The following SUDS3 variants were observed in gnomAD, a reference collection of about 807,000 sequenced individuals.
SUDS3 encodes sin3 histone deacetylase corepressor complex component SDS3.
SUDS3 carries 23 observed loss-of-function variants against 53.5 expected under a neutral mutation model. The ratio of observed to expected loss-of-function variants is 0.43; its 90% CI spans 0.31 to 0.61. The LOEUF (loss-of-function observed/expected upper bound fraction) is 0.61. SUDS3 is among the 20% of genes least tolerant of loss of function. The probability of loss-of-function intolerance (pLI) is 0.10; values close to 1 mark genes in which losing one functional copy is unlikely to be tolerated. For synonymous variants in SUDS3, 150 were observed against 148.5 expected (o/e 1.01, Z -0.08); for missense variants, 291 against 405.9 (o/e 0.72, Z 2.43).
At chr12:118,384,637 C>T (rs1365689287) in intron 3 of SUDS3, among the ~76,000 whole-genome samples, 3 of 152,256 alleles carry the variant, frequency 2.0e-5, no homozygotes, top group Non-Finnish European at 4.4e-5. Context: ...TCGAGACAAT[C>T]TTGGCTAACA....
intron 4 of SUDS3, 124 bp from the exon 5 acceptor site, chr12:118,389,803 T>A: frequency 2.5e-6 from 3 of 1,178,972 alleles, no homozygotes; most frequent in Non-Finnish European, 3.7e-6. Context: ...ATTTCACTGA[T>A]GAAAACATTT....
Position 118,403,452 on chromosome 12 carries a change from G to A in SUDS3, c.738G>A (p.Ala246=), listed in dbSNP as rs376431460. The A allele has an allele frequency of 3.1e-5, 50 of 1,613,564 alleles. No homozygotes were observed. Among genetic ancestry groups the A allele is most frequent in the African/African-American group, 2.8e-4 (21 of 74,894 alleles). Residue 246 remains alanine, a synonymous_variant, in exon 10 of 12, where the codon GCG becomes GCA. Transcript: ENST00000543473. ...SSPEHLPATP[A]ESPAQRFEAR... is the part of the protein sequence containing the mutation. ...CTGAGCACTTGCCTGCAACACCCGC[G>A]GAATCTCCAGCCCAGAGGTTCGAAG...
chr12:118,386,061 G>T, intron 3 of SUDS3, 53 bp from the exon 4 acceptor site: 1 of 1,399,126 alleles, frequency 7.1e-7, no homozygotes, highest in African/African-American at 1.4e-5. Flanking sequence ...GAAGCAAAAT[G>T]TAGAGCAGAT....
At chr12:118,391,926 A>T (rs1424036249) in intron 6 of SUDS3, among the ~76,000 whole-genome samples, 1 of 152,218 alleles carries the variant, frequency 6.6e-6, no homozygotes, top group Non-Finnish European at 1.5e-5. Flanking sequence ...CTCAGAGCCA[A>T]TGCCTTTCTA....
At chr12:118,382,996 A>C (rs1219937220) in intron 2 of SUDS3, among the ~76,000 whole-genome samples, 1 of 152,108 alleles carries the variant, frequency 6.6e-6, no homozygotes, top group Admixed American at 6.6e-5. Context: ...TACAGAAAAA[A>C]TTTCGGTTAA....
intron 2 of SUDS3, 127 bp from the exon 3 acceptor site, chr12:118,383,885 T>G (rs1464785952): frequency 3.1e-5 from 24 of 782,352 alleles, no homozygotes; most frequent in Non-Finnish European, 4.9e-5. Context: ...AGACTTTACT[T>G]TCCTCTCTTC....
intron 10 of SUDS3, among the ~76,000 whole-genome samples, chr12:118,404,922 G>C (rs76672940): frequency 6.6e-6 from 1 of 152,200 alleles, no homozygotes; most frequent in Non-Finnish European, 1.5e-5. Flanking sequence ...AGTCATGGCC[G>C]AAGTAAATCA....
rs2046385358 is a variant in SUDS3, at chr12:118,414,685, G to A, written c.*252G>A. 2 of 368,454 alleles carry A rather than the reference G, an allele frequency of 5.4e-6. No individual in the cohort carries two copies. Among genetic ancestry groups the A allele is most frequent in the Non-Finnish European group, 9.6e-6 (2 of 207,774 alleles). 22.8% of individuals were successfully genotyped at this position (368,454 alleles called of 1,614,324 possible). The stretch of plus-strand genomic sequence containing the variant: ...CTGTTTTACTTTCAGGCGTATTGGG[G>A]GGTTTGATTTACTTTCCTTTTATTT... On this transcript the variant is annotated 3_prime_UTR_variant, in exon 12 of 12. Transcript: ENST00000543473.
At chr12:118,379,842 A>C (rs1300139934) in intron 1 of SUDS3, among the ~76,000 whole-genome samples, 2 of 152,132 alleles carry the variant, frequency 1.3e-5, no homozygotes, top group Admixed American at 6.5e-5. Context: ...ATCTGACTGT[A>C]AGTTGGAAAT....
At chr12:118,384,302 A>C (rs1219871836) in intron 3 of SUDS3, among the ~76,000 whole-genome samples, 1 of 152,232 alleles carries the variant, frequency 6.6e-6, no homozygotes, top group Non-Finnish European at 1.5e-5. Context: ...ATGAAATCTC[A>C]CTTGGGACTT....
chr12:118,410,892 T>C (rs886455777), intron 10 of SUDS3, among the ~76,000 whole-genome samples, 181 bp from the exon 11 acceptor site: 2 of 152,180 alleles, frequency 1.3e-5, no homozygotes, highest in Non-Finnish European at 2.9e-5. Flanking sequence ...CCACCGCGCC[T>C]GGCCTCAGGA....
intron 6 of SUDS3, among the ~76,000 whole-genome samples, chr12:118,392,168 C>G (rs1475627065): frequency 6.6e-6 from 1 of 152,198 alleles, no homozygotes; most frequent in African/African-American, 2.4e-5. Context: ...CTGTACATCC[C>G]CAAATTTAAC....
chr12:118,400,166 G>A (rs902490271), intron 6 of SUDS3, among the ~76,000 whole-genome samples: 1 of 152,110 alleles, frequency 6.6e-6, no homozygotes, highest in African/African-American at 2.4e-5. Context: ...AAAAAAATCC[G>A]AGTCTGTAAA....
At chr12:118,382,838 T>TG (rs1323543556) in intron 2 of SUDS3, among the ~76,000 whole-genome samples, 1 of 150,756 alleles carries the variant, frequency 6.6e-6, no homozygotes, top group Non-Finnish European at 1.5e-5. Context: ...TGGCTAATTT[T>TG]TTTTTTTTAA....
At chr12:118,402,194 C>G (rs1261851572) in intron 9 of SUDS3, 190 bp downstream of exon 9, 1 of 583,760 alleles carries the variant, frequency 1.7e-6, no homozygotes, top group Admixed American at 3.4e-5. Context: ...TTTTCATAAC[C>G]CCTGCTTTGT....
At chr12:118,407,961 G>A (rs1302875839) in intron 10 of SUDS3, among the ~76,000 whole-genome samples, 1 of 151,830 alleles carries the variant, frequency 6.6e-6, no homozygotes, top group Non-Finnish European at 1.5e-5. Context: ...GAGTGCAGTG[G>A]CGCCATCTCA....
At chr12:118,397,232 G>A (rs78828191) in intron 6 of SUDS3, among the ~76,000 whole-genome samples, 3,361 of 152,166 alleles carry the variant, frequency 0.022, 121 homozygotes, top group African/African-American at 0.076. Context: ...CTTCTCTGGG[G>A]TTGTCACACC....
At chr12:118,382,938 G>A (rs1172681163) in intron 2 of SUDS3, among the ~76,000 whole-genome samples, 1 of 152,156 alleles carries the variant, frequency 6.6e-6, no homozygotes, top group Non-Finnish European at 1.5e-5. Flanking sequence ...AAAGTGCTGG[G>A]ATTACAGGCG....
chr12:118,398,015 G>A (rs2046231112), intron 6 of SUDS3, among the ~76,000 whole-genome samples: 1 of 152,128 alleles, frequency 6.6e-6, no homozygotes, highest in Non-Finnish European at 1.5e-5. Flanking sequence ...TCCAAATTAG[G>A]TGTCAGTGTT....
Sources: allele counts gnomAD v4.1 joint callset (sites outside exome capture counted in the v4.1 genomes callset), GRCh38; gene constraint gnomAD v4.1.1; transcripts MANE v1.5; gene names NCBI Gene and HGNC (gene_info 2026-07-23, HGNC 2026-07-21).